DRC9: variants seen among roughly 807,000 people sequenced by gnomAD.
DRC9 encodes dynein regulatory complex subunit 9.
chr3:197,948,738 T>C, the DRC9 span, among the ~76,000 whole-genome samples: 3 of 152,242 alleles, frequency 2.0e-5, no homozygotes, highest in Non-Finnish European at 2.9e-5. Flanking sequence ...TAAAAGTGAC[T>C]TATATACATC....
At chr3:197,925,859 C>T in the DRC9 span, among the ~76,000 whole-genome samples, 1 of 152,146 alleles carries the variant, frequency 6.6e-6, no homozygotes, top group African/African-American at 2.4e-5. Context: ...GCTGGGACTA[C>T]AGGCGTGAGC....
chr3:197,947,926 AC>A, the DRC9 span, among the ~76,000 whole-genome samples: 21 of 119,064 alleles, frequency 1.8e-4, no homozygotes, highest in Non-Finnish European at 1.8e-5. Context: ...CTCCTGCTTT[AC>A]CTTTTTTTTT....
chr3:197,955,991 C>T, the DRC9 span: 1 of 548,902 alleles, frequency 1.8e-6, no homozygotes, highest in Non-Finnish European at 3.3e-6. Flanking sequence ...GTATCTTTGA[C>T]AGAGTCTTGC....
At chr3:197,891,450 A>T in the DRC9 span, 2 of 1,553,520 alleles carry the variant, frequency 1.3e-6, no homozygotes, top group South Asian at 1.1e-5. Context: ...CTTTACCTTT[A>T]TAACGCTCTT....
At chr3:197,957,089 T>G in the DRC9 span, 1 of 152,178 alleles carries the variant, frequency 6.6e-6, no homozygotes, top group Non-Finnish European at 1.5e-5. Context: ...AAGAAAGGAT[T>G]GGGTAGGAAA....
chr3:197,930,472 T>A, the DRC9 span, among the ~76,000 whole-genome samples: 1 of 150,552 alleles, frequency 6.6e-6, no homozygotes, highest in East Asian at 2.0e-4. Flanking sequence ...CCTAGCACTT[T>A]GATTACAGGC....
the DRC9 span, chr3:197,912,426 T>C: frequency 4.7e-6 from 2 of 425,186 alleles, no homozygotes; most frequent in Non-Finnish European, 8.4e-6. Flanking sequence ...TACAGCAATA[T>C]AGAAATCGAA....
the DRC9 span, chr3:197,953,564 G>A: frequency 2.2e-6 from 1 of 457,356 alleles, no homozygotes; most frequent in African/African-American, 2.0e-5. Context: ...GCCTGCGCTA[G>A]TCATCCCGTG....
chr3:197,938,854 AT>A, the DRC9 span: 1 of 1,021,792 alleles, frequency 9.8e-7, no homozygotes, highest in Non-Finnish European at 1.5e-6. Context: ...CTTTGTGTAC[AT>A]TTTTCAACAT....
chr3:197,931,210 G>A, the DRC9 span, among the ~76,000 whole-genome samples: 9 of 151,258 alleles, frequency 6.0e-5, no homozygotes, highest in African/African-American at 1.9e-4. Flanking sequence ...GGCCGAGCGC[G>A]GTGGCTCATG....
At chr3:197,948,546 G>A in the DRC9 span, among the ~76,000 whole-genome samples, 72 of 152,346 alleles carry the variant, frequency 4.7e-4, no homozygotes, top group African/African-American at 1.4e-3. Context: ...ACGAGCAAAC[G>A]AATGAAACTC....
At chr3:197,907,684 G>T in the DRC9 span, among the ~76,000 whole-genome samples, 17 of 152,368 alleles carry the variant, frequency 1.1e-4, no homozygotes, top group East Asian at 3.1e-3. Context: ...AGTGACAACA[G>T]GGGTGACTGT....
chr3:197,957,596 G>T, the DRC9 span: 1 of 151,914 alleles, frequency 6.6e-6, no homozygotes, highest in South Asian at 2.1e-4. Flanking sequence ...GTGGTTTTAA[G>T]GCAAACAAAG....
the DRC9 span, chr3:197,932,069 C>G: frequency 8.0e-7 from 1 of 1,254,482 alleles, no homozygotes; most frequent in African/African-American, 1.5e-5. Context: ...GTTATCTTCC[C>G]TGGAAAGCAC....
At chr3:197,945,224 G>A in the DRC9 span, among the ~76,000 whole-genome samples, 1 of 152,306 alleles carries the variant, frequency 6.6e-6, no homozygotes, top group Admixed American at 6.5e-5. Flanking sequence ...TGTGAGGGAA[G>A]ACAGCTGCCT....
the DRC9 span, among the ~76,000 whole-genome samples, chr3:197,905,789 A>C: frequency 6.6e-6 from 1 of 152,210 alleles, no homozygotes; most frequent in Non-Finnish European, 1.5e-5. Flanking sequence ...GTTTATCCCA[A>C]GAATTTGAAG....
chr3:197,893,851 A>G, the DRC9 span, among the ~76,000 whole-genome samples: 503 of 152,286 alleles, frequency 3.3e-3, 3 homozygotes, highest in African/African-American at 0.011. Flanking sequence ...CCGTCTCAAA[A>G]AAAAAGAAAA....
chr3:197,955,702 C>A, the DRC9 span: 1 of 1,461,732 alleles, frequency 6.8e-7, no homozygotes, highest in Non-Finnish European at 9.6e-7. Context: ...GATTTGTAGA[C>A]GTATATATAA....
At chr3:197,935,551 G>A in the DRC9 span, among the ~76,000 whole-genome samples, 8 of 152,000 alleles carry the variant, frequency 5.3e-5, no homozygotes, top group South Asian at 8.3e-4. Flanking sequence ...TGGCATGATC[G>A]TAACTCACTG....
Sources: allele counts gnomAD v4.1 joint callset (sites outside exome capture counted in the v4.1 genomes callset), GRCh38; gene constraint gnomAD v4.1.1; transcripts MANE v1.5; gene names NCBI Gene and HGNC (gene_info 2026-07-23, HGNC 2026-07-21).